The following PAX5 variants were observed in gnomAD, a reference collection of about 807,000 sequenced individuals.
PAX5 encodes the protein paired box 5.
In PAX5, 9 loss-of-function variants were observed where a neutral mutation model predicts 43.7. The observed-to-expected ratio is 0.21, with a 90% CI of 0.12 to 0.36. The LOEUF is 0.36. Ranked by LOEUF, PAX5 falls within the 10% of genes least tolerant of loss-of-function variation. PAX5 has a pLI of 1.00. For missense variants in PAX5, 383 were observed against 532.7 expected, an observed-to-expected ratio of 0.72 and a Z score of 2.77; for synonymous variants, 228 against 214.3, an observed-to-expected ratio of 1.06 and a Z score of -0.56.
chr9:36,874,800 C>T (rs180768125), intron 8 of PAX5, among the ~76,000 whole-genome samples: 9 of 152,262 alleles, frequency 5.9e-5, no homozygotes, highest in South Asian at 2.1e-4. Context: ...TTGATTTGAG[C>T]GTTAGCATGC....
rs1821477484 is a variant in PAX5 at position 36,834,190 on chromosome 9, A to C, written c.*6370T>G. On this transcript the variant is annotated 3_prime_UTR_variant, in exon 10 of 10. Transcript: ENST00000358127. Reference sequence around the variant, plus strand: ...TGGAGGCCCAGCAGCTGGGGCTGAGAAGTGGGGCCCAGGCAACGCCAGGCC... The same window carrying C: ...TGGAGGCCCAGCAGCTGGGGCTGAGCAGTGGGGCCCAGGCAACGCCAGGCC... The C allele has an allele frequency of 4.3e-6, 1 of 233,162 alleles. No individual in the cohort carries two copies. The highest frequency in any genetic ancestry group is 8.5e-6 in the Non-Finnish European group (1 of 118,068). The allele number at this position is 233,162 out of a possible 1,614,324, so 14.4% of individuals were successfully genotyped here.
At chr9:36,972,024 G>A (rs773261100) in intron 5 of PAX5, among the ~76,000 whole-genome samples, 13 of 152,136 alleles carry the variant, frequency 8.5e-5, no homozygotes, top group Non-Finnish European at 1.6e-4. Context: ...ATCATCATGC[G>A]CTTTATGTCT....
At chr9:36,985,364 G>A (rs1015417939) in intron 5 of PAX5, among the ~76,000 whole-genome samples, 2 of 152,224 alleles carry the variant, frequency 1.3e-5, no homozygotes, top group Non-Finnish European at 2.9e-5. Context: ...TGTTTAGTGA[G>A]TGAGGGAATG....
At chr9:36,930,736 C>T (rs184437054) in intron 6 of PAX5, among the ~76,000 whole-genome samples, 12 of 152,208 alleles carry the variant, frequency 7.9e-5, no homozygotes, top group African/African-American at 2.2e-4. Context: ...CTGCCTACCT[C>T]GACGATCATG....
At chr9:37,019,899 C>G (rs1338049693) in intron 2 of PAX5, among the ~76,000 whole-genome samples, 1 of 152,166 alleles carries the variant, frequency 6.6e-6, no homozygotes, top group Non-Finnish European at 1.5e-5. Context: ...CTGTGTCAGT[C>G]ACTTTGCCTG....
chr9:37,021,539 C>G (rs1015682865), intron 1 of PAX5, among the ~76,000 whole-genome samples: 2 of 152,140 alleles, frequency 1.3e-5, no homozygotes, highest in Non-Finnish European at 2.9e-5. Context: ...GGAATTTTTA[C>G]AATGTTTTGC....
At chr9:36,970,603 G>C in intron 5 of PAX5, among the ~76,000 whole-genome samples, 1 of 152,186 alleles carries the variant, frequency 6.6e-6, no homozygotes, top group Non-Finnish European at 1.5e-5. Context: ...GTAGAAACTA[G>C]GGGCCAGGGG....
intron 7 of PAX5, among the ~76,000 whole-genome samples, chr9:36,902,886 G>T (rs1587922546): frequency 6.6e-6 from 1 of 152,158 alleles, no homozygotes; most frequent in Non-Finnish European, 1.5e-5. Flanking sequence ...ACCCCATAAG[G>T]CTGCCAATCC....
At chr9:36,952,645 T>C (rs2132117054) in intron 6 of PAX5, among the ~76,000 whole-genome samples, 1 of 152,344 alleles carries the variant, frequency 6.6e-6, no homozygotes, top group South Asian at 2.1e-4. Context: ...ATATTTCTTT[T>C]TTTAAGTATT....
intron 5 of PAX5, among the ~76,000 whole-genome samples, chr9:37,000,778 G>A (rs1837780854): frequency 6.6e-6 from 1 of 152,132 alleles, no homozygotes; most frequent in Admixed American, 6.5e-5. Context: ...GTGCAACTTG[G>A]TTCTTTTTAA....
intron 8 of PAX5, among the ~76,000 whole-genome samples, chr9:36,857,501 G>A (rs544044539): frequency 6.6e-6 from 1 of 152,336 alleles, no homozygotes; most frequent in South Asian, 2.1e-4. Flanking sequence ...AGACATTCGG[G>A]TGCCAGCAAA....
rs370760835 is a variant in PAX5, at chr9:36,912,724, T to G, written c.910+10631A>C. Among the ~76,000 whole-genome samples, 10 of 152,146 alleles carry G rather than the reference T, an allele frequency of 6.6e-5. No individual in the cohort carries two copies. The East Asian group carries it at 9.6e-4, about 15-fold the overall frequency. ...ACCCAGGTATGGTCAGAACGTCTGC[T>G]CTGAGGAAGGCTGGGACTCGCCAAA... On this transcript the variant is annotated intron_variant, in intron 7 of 9. Coordinates refer to ENST00000358127, the MANE Select transcript of PAX5 (RefSeq NM_016734.3).
At chr9:36,908,832 G>T (rs57269870) in intron 7 of PAX5, among the ~76,000 whole-genome samples, 2,685 of 152,298 alleles carry the variant, frequency 0.018, 93 homozygotes, top group African/African-American at 0.061. Context: ...GGGCTGTCCA[G>T]CTTCATTTAT....
At chr9:36,939,173 A>G (rs1298252940) in intron 6 of PAX5, among the ~76,000 whole-genome samples, 2 of 152,166 alleles carry the variant, frequency 1.3e-5, no homozygotes, top group Non-Finnish European at 2.9e-5. Flanking sequence ...CAAAGCTCCA[A>G]TGGTAGTTGC....
intron 1 of PAX5, among the ~76,000 whole-genome samples, chr9:37,023,846 G>A (rs1022398038): frequency 4.6e-5 from 7 of 152,182 alleles, no homozygotes; most frequent in African/African-American, 1.7e-4. Context: ...GGAAAGGGCA[G>A]GGAAGAAGTC....
chr9:36,934,913 T>G (rs17392477), intron 6 of PAX5, among the ~76,000 whole-genome samples: 42,366 of 152,160 alleles, frequency 0.28, 6,534 homozygotes, highest in Non-Finnish European at 0.34. Context: ...CAAATGAACT[T>G]GGACAGGTAC....
At chr9:37,029,560 G>A (rs1433558102) in intron 1 of PAX5, among the ~76,000 whole-genome samples, 1 of 152,244 alleles carries the variant, frequency 6.6e-6, no homozygotes, top group Non-Finnish European at 1.5e-5. Flanking sequence ...GATCGCAACA[G>A]CAGAGAGGGA....
chr9:36,993,662 A>G (rs537002419), intron 5 of PAX5, among the ~76,000 whole-genome samples: 1 of 152,366 alleles, frequency 6.6e-6, no homozygotes, highest in Admixed American at 6.5e-5. Context: ...CCAGAGAGAA[A>G]GGACTGTGGG....
At chr9:36,873,054 C>T (rs1825627866) in intron 8 of PAX5, among the ~76,000 whole-genome samples, 1 of 152,230 alleles carries the variant, frequency 6.6e-6, no homozygotes, top group African/African-American at 2.4e-5. Flanking sequence ...CAACAATATC[C>T]CTCCAGCTTC....
Sources: allele counts gnomAD v4.1 joint callset (sites outside exome capture counted in the v4.1 genomes callset), GRCh38; gene constraint gnomAD v4.1.1; transcripts MANE v1.5; gene names NCBI Gene and HGNC (gene_info 2026-07-23, HGNC 2026-07-21).